KCTD1: variants seen among roughly 807,000 people sequenced by gnomAD.
KCTD1 encodes the protein BTB/POZ domain-containing protein KCTD1.
A neutral mutation model predicts 66.0 loss-of-function variants in KCTD1; 24 were observed. The ratio of observed to expected loss-of-function variants is 0.36; its 90% CI spans 0.26 to 0.51. The LOEUF (loss-of-function observed/expected upper bound fraction) is 0.51. KCTD1 is among the 20% of genes least tolerant of loss of function. The pLI is 0.95. For synonymous variants in KCTD1, 511 were observed against 517.2 expected (o/e 0.99, Z 0.16); for missense variants, 943 against 1,205.2 (o/e 0.78, Z 3.22).
At chr18:26,617,547 C>T (rs952502404) in intron 1 of KCTD1, among the ~76,000 whole-genome samples, 4 of 152,056 alleles carry the variant, frequency 2.6e-5, no homozygotes, top group Non-Finnish European at 4.4e-5. Flanking sequence ...ATATGAGAAG[C>T]TAGAGGGAAT....
At position 26,574,850 on chromosome 18, in the gene KCTD1, T is replaced by A. The variant is rs571763054; in HGVS notation, c.-16+54297A>T. On this transcript the variant is annotated intron_variant, in intron 1 of 4. Transcript: ENST00000317932. ...CATTTATTCATTCCCAGGATAAAAC[T>A]GTTTCTCCTGGGCCCTATGAGAAAC... 3.5e-4 allele frequency among the ~76,000 whole-genome samples: 54 copies of A among 152,314 alleles called. 1 individual carries two copies. Among genetic ancestry groups the A allele is most frequent in the South Asian group, 1.0e-3 (5 of 4,826 alleles).
intron 1 of KCTD1, among the ~76,000 whole-genome samples, chr18:26,650,445 T>G (rs1988009225): frequency 6.6e-6 from 1 of 152,348 alleles, no homozygotes; most frequent in South Asian, 2.1e-4. Flanking sequence ...ATTTTCTGAG[T>G]GCTTATTTTG....
At chr18:26,618,840 C>A (rs748113864) in intron 1 of KCTD1, among the ~76,000 whole-genome samples, 1 of 152,178 alleles carries the variant, frequency 6.6e-6, no homozygotes, top group African/African-American at 2.4e-5. Flanking sequence ...GAAAACTATG[C>A]GTAGATGAAC....
chr18:26,530,495 G>T (rs1352502805), intron 1 of KCTD1, among the ~76,000 whole-genome samples: 1 of 152,130 alleles, frequency 6.6e-6, no homozygotes, highest in Non-Finnish European at 1.5e-5. Context: ...GTCCATCTTG[G>T]TCCTATCCCT....
rs187177736 is a variant in KCTD1 at position 26,486,177 on chromosome 18, T to C, written c.1989-9518A>G. Among the ~76,000 whole-genome samples the C allele has an allele frequency of 2.3e-3, 347 of 152,298 alleles. 1 individual carries two copies. Among genetic ancestry groups the C allele is most frequent in the Non-Finnish European group, 3.7e-3 (251 of 68,014 alleles). On this transcript the variant is annotated intron_variant, in intron 2 of 4. Transcript: ENST00000580059. Reference sequence around the variant, plus strand: ...CCGCCCCACTTGGCCTCCCAAAGTGTTGGGATTACAGGTGTGAGCCACTGC... The same window carrying C: ...CCGCCCCACTTGGCCTCCCAAAGTGCTGGGATTACAGGTGTGAGCCACTGC...
chr18:26,483,921 G>A (rs1286664295), intron 2 of KCTD1, among the ~76,000 whole-genome samples: 2 of 152,114 alleles, frequency 1.3e-5, no homozygotes, highest in Non-Finnish European at 1.5e-5. Flanking sequence ...GTGGGGGGAA[G>A]GGAAGGAAAT....
chr18:26,574,222 T>A (rs573791983), intron 1 of KCTD1, among the ~76,000 whole-genome samples: 1 of 152,288 alleles, frequency 6.6e-6, no homozygotes, highest in South Asian at 2.1e-4. Flanking sequence ...TAATAGAGGA[T>A]CTTAAATAAA....
chr18:26,489,452 T>C (rs2144644592), intron 2 of KCTD1, among the ~76,000 whole-genome samples: 1 of 152,282 alleles, frequency 6.6e-6, no homozygotes, highest in East Asian at 1.9e-4. Context: ...TTTCCCTGTG[T>C]TTCCCAAGCT....
At chr18:26,625,822 C>T (rs979847030) in intron 1 of KCTD1, among the ~76,000 whole-genome samples, 2 of 152,164 alleles carry the variant, frequency 1.3e-5, no homozygotes, top group Non-Finnish European at 2.9e-5. Context: ...CTAACAGGAT[C>T]CAGCATTTCC....
intron 1 of KCTD1, among the ~76,000 whole-genome samples, chr18:26,531,670 G>C (rs1984440064): frequency 6.6e-6 from 1 of 152,168 alleles, no homozygotes; most frequent in African/African-American, 2.4e-5. Flanking sequence ...TAGGTTCTTA[G>C]GGTGGAAAGA....
At chr18:26,462,911 G>A (rs4480883) in intron 3 of KCTD1, among the ~76,000 whole-genome samples, 83,609 of 152,018 alleles carry the variant, frequency 0.55, 25,166 homozygotes, top group East Asian at 0.87. Flanking sequence ...TTCTAATCTG[G>A]CAATGTCCTT....
chr18:26,471,495 C>T (rs1455234374), intron 3 of KCTD1, among the ~76,000 whole-genome samples: 1 of 151,832 alleles, frequency 6.6e-6, no homozygotes, highest in East Asian at 1.9e-4. Flanking sequence ...AAAGTCCCTG[C>T]AGAATTTCAA....
At position 26,657,254 on chromosome 18, in the gene KCTD1, G is replaced by A. The variant is rs556060322; in HGVS notation, c.9+106C>T. On this transcript the variant is annotated intron_variant, in intron 1 of 4. Coordinates refer to the KCTD1 transcript ENST00000580191. The stretch of plus-strand genomic sequence containing the variant: ...CGGGCGGCGTGTGTGCGAGTGTGCC[G>A]CGCTCTCGCCCCATGCCTGGCACAT... 12 of 862,228 alleles carry A rather than the reference G, an allele frequency of 1.4e-5. No homozygotes were observed. The East Asian group carries it at 1.5e-3, about 106-fold the overall frequency. 53.4% of individuals were successfully genotyped at this position (862,228 alleles called of 1,614,324 possible). A position where few individuals can be genotyped will look rare whatever the true frequency, so the allele number is the denominator to read the frequency against.
At chr18:26,584,374 G>T (rs1300042134) in intron 1 of KCTD1, among the ~76,000 whole-genome samples, 1 of 152,152 alleles carries the variant, frequency 6.6e-6, no homozygotes, top group African/African-American at 2.4e-5. Context: ...AAATAATTTT[G>T]TGATGTATTG....
chr18:26,602,544 A>C (rs1262039583), intron 1 of KCTD1, among the ~76,000 whole-genome samples: 1 of 152,234 alleles, frequency 6.6e-6, no homozygotes, highest in Non-Finnish European at 1.5e-5. Flanking sequence ...GGTATAAAAT[A>C]CCAGAGATTC....
Position 26,548,445 on chromosome 18 carries a change from C to A in KCTD1, c.92G>T (p.Arg31Leu). Residue 31 changes from arginine (R) to leucine (L), a missense_variant, in exon 1 of 5, where the codon CGG (arginine) becomes CTG (leucine). By Grantham distance (102) the Arg-to-Leu change is moderately radical. Around this residue, in one of 10 missense-constraint regions of KCTD1, gnomAD observed 236 missense variants for 206.6 expected, o/e 1.14. Coordinates refer to ENST00000580059, the MANE Select transcript of KCTD1 (RefSeq NM_001142730.3). Reference protein sequence around the residue: ...AAAAAENNGERGEGERGAGGR... With the variant: ...AAAAAENNGELGEGERGAGGR... The stretch of plus-strand genomic sequence containing the variant: ...CCCCGCGCCGCGCTCGCCCTCGCCC[C>A]GCTCCCCATTGTTCTCGGCGGCGGC... 7.3e-7 allele frequency: 1 copy of A among 1,361,068 alleles called. No homozygotes were observed. The highest frequency in any genetic ancestry group is 9.4e-7 in the Non-Finnish European group (1 of 1,060,898). The allele number at this position is 1,361,068 out of a possible 1,614,324, so 84.3% of individuals were successfully genotyped here.
chr18:26,614,758 G>A (rs1159546049), intron 1 of KCTD1, among the ~76,000 whole-genome samples: 1 of 152,190 alleles, frequency 6.6e-6, no homozygotes, highest in Non-Finnish European at 1.5e-5. Context: ...AGGAAACTTA[G>A]TTGTTTATCA....
intron 1 of KCTD1, among the ~76,000 whole-genome samples, chr18:26,601,458 T>A (rs765386089): frequency 3.3e-5 from 5 of 152,028 alleles, no homozygotes; most frequent in Non-Finnish European, 7.4e-5. Flanking sequence ...TATATATCTA[T>A]CCTTATGATT....
chr18:26,476,759 A>AC lies in KCTD1; in HGVS notation c.1989-101_1989-100insG. On this transcript the variant is annotated intron_variant, in intron 2 of 4. Transcript: ENST00000580059. The surrounding 1 kb of genome is among the most constrained non-coding windows in gnomAD (Gnocchi z 4.9). ...ATCACTGTCAAAGGTAGCACTTTTG[A>AC]AGATGGCAGTAGGGAAAAATTACGA... The AC allele has an allele frequency of 1.9e-6, 2 of 1,038,532 alleles. No individual in the cohort carries two copies. Among genetic ancestry groups the AC allele is most frequent in the Middle Eastern group, 2.0e-4 (1 of 4,968 alleles). The allele number at this position is 1,038,532 out of a possible 1,614,324, so 64.3% of individuals were successfully genotyped here. A position where few individuals can be genotyped will look rare whatever the true frequency, so the allele number is the denominator to read the frequency against.
Sources: allele counts gnomAD v4.1 joint callset (sites outside exome capture counted in the v4.1 genomes callset), GRCh38; gene constraint gnomAD v4.1.1; regional missense constraint gnomAD v4.1.1; non-coding constraint Gnocchi (gnomAD v3.1); transcripts MANE v1.5; gene names NCBI Gene and HGNC (gene_info 2026-07-23, HGNC 2026-07-21).